DACT2: variants seen among roughly 807,000 people sequenced by gnomAD.
The protein encoded by DACT2 is dapper homolog 2.
A neutral mutation model predicts 22.2 loss-of-function variants in DACT2; 20 were observed. The ratio of observed to expected loss-of-function variants is 0.90; its 90% CI spans 0.63 to 1.31. The LOEUF is 1.31. DACT2 is among the 50% of genes most tolerant of loss of function. The pLI is 0.00. For synonymous variants in DACT2, 463 were observed against 479.8 expected (o/e 0.96, Z 0.46); for missense variants, 1,048 against 1,061.4 (o/e 0.99, Z 0.18).
chr6:168,295,694 T>C (rs1778996057), intron 3 of DACT2, among the ~76,000 whole-genome samples: 1 of 152,208 alleles, frequency 6.6e-6, no homozygotes, highest in Non-Finnish European at 1.5e-5. Context: ...TGCAATTCCA[T>C]TGAAACCCAA....
chr6:168,308,224 T>A lies in DACT2; in HGVS notation c.1533A>T (p.Ala511=). 6.4e-7 allele frequency: 1 copy of A among 1,551,900 alleles called. No homozygotes were observed. The highest frequency in any genetic ancestry group is 8.7e-7 in the Non-Finnish European group (1 of 1,147,044). ...TGTCCAGTAGAAGCAGCGGCTGCCTTGCAAACCTCAGCACCTTGTCCATGG... is the reference window on the plus strand; with the variant it reads ...TGTCCAGTAGAAGCAGCGGCTGCCTAGCAAACCTCAGCACCTTGTCCATGG... The part of the protein sequence containing the change: ...RSPMDKVLRF[A]RQPLLLLDRP... The change falls in exon 4 of 4, where the codon GCA becomes GCT. Residue 511 remains alanine (A), a synonymous_variant. Transcript: ENST00000366795.
chr6:168,300,691 CA>C (rs939941847), intron 3 of DACT2: 4 of 152,246 alleles, frequency 2.6e-5, no homozygotes, highest in Admixed American at 2.0e-4. Flanking sequence ...ATTCTGATTT[CA>C]GTAAGAACTC....
rs973979944 is a variant in DACT2 at position 168,307,795 on chromosome 6, G to A, written c.1962C>T (p.Asp654=). 1.1e-5 allele frequency: 17 copies of A among 1,542,884 alleles called. No homozygotes were observed. The highest frequency in any genetic ancestry group is 8.2e-5 in the African/African-American group (6 of 72,974). Reference sequence around the variant, plus strand: ...GCTCTGAGTCGCTCCTGGTGTAGGCGTCCTGGCGGACCAGTGAGGGACGGC... The same window carrying A: ...GCTCTGAGTCGCTCCTGGTGTAGGCATCCTGGCGGACCAGTGAGGGACGGC... ...ARGRPSLVRQ[D]AYTRSDSEPS... The change falls in exon 4 of 4, where the codon GAC becomes GAT. Residue 654 remains aspartate (D), a synonymous_variant. Coordinates refer to ENST00000366795, the MANE Select transcript of DACT2 (RefSeq NM_214462.5). The surrounding 1 kb of genome is among the most constrained non-coding windows in gnomAD (Gnocchi z 5.3).
chr6:168,299,361 C>T (rs1278745582), intron 3 of DACT2: 2 of 152,178 alleles, frequency 1.3e-5, no homozygotes, highest in African/African-American at 4.8e-5. Context: ...GATGAACATA[C>T]GTGAGTTCTG....
intron 1 of DACT2, among the ~76,000 whole-genome samples, chr6:168,316,057 C>T (rs1162772593): frequency 2.6e-5 from 4 of 152,204 alleles, no homozygotes; most frequent in Admixed American, 6.5e-5. Flanking sequence ...ACAAAGTCTG[C>T]GTGTTCCTTC....
At chr6:168,311,100 G>A in intron 2 of DACT2, 52 bp downstream of exon 2, 1 of 1,479,204 alleles carries the variant, frequency 6.8e-7, no homozygotes, top group Non-Finnish European at 9.0e-7. Flanking sequence ...CTTCACCTCT[G>A]CCTGTGCTGC....
chr6:168,319,610 C>G lies in DACT2; in HGVS notation c.24G>C (p.Pro8=). 7.6e-7 allele frequency: 1 copy of G among 1,316,138 alleles called. No individual in the cohort carries two copies. The highest frequency in any genetic ancestry group is 9.7e-7 in the Non-Finnish European group (1 of 1,030,816). 81.5% of individuals were successfully genotyped at this position (1,316,138 alleles called of 1,614,324 possible). A position where few individuals can be genotyped will look rare whatever the true frequency, so the allele number is the denominator to read the frequency against. The part of the protein sequence containing the change: MWTPGGP[P]GSAGWDRRRL... ...TACGGCGGTCCCAGCCCGCGGACCC[C>G]GGGGGTCCGCCCGGCGTCCACATCT... The change falls in exon 1 of 4, where the codon CCG becomes CCC. Residue 8 remains proline, a synonymous_variant. Transcript: ENST00000366795.
downstream of DACT2, among the ~76,000 whole-genome samples, chr6:168,305,699 C>T (rs184808928): frequency 3.3e-5 from 5 of 152,284 alleles, no homozygotes; most frequent in Admixed American, 3.3e-4. Flanking sequence ...CACAGCCTCA[C>T]CTGCTAAGTG....
intron 3 of DACT2, 85 bp downstream of exon 3, chr6:168,310,083 G>C: frequency 6.6e-7 from 1 of 1,507,538 alleles, no homozygotes; most frequent in Non-Finnish European, 8.9e-7. Flanking sequence ...TAGGGTCCCC[G>C]GCTCTGCCCT....
intron 5 of DACT2, chr6:168,293,979 G>T (rs532847956): frequency 2.8e-6 from 2 of 703,308 alleles, no homozygotes; most frequent in Admixed American, 4.0e-5. Context: ...GAGATTACTT[G>T]TGAGTAGAGG....
intron 3 of DACT2, chr6:168,300,417 T>C (rs4708712): frequency 0.6 from 90,474 of 152,024 alleles, 27,257 homozygotes; most frequent in Non-Finnish European, 0.65. Flanking sequence ...TCACCCAGGA[T>C]GGAAGATGCA....
chr6:168,318,126 TGCTGA>T (rs1337058434), intron 1 of DACT2, among the ~76,000 whole-genome samples: 2 of 151,810 alleles, frequency 1.3e-5, no homozygotes, highest in Non-Finnish European at 2.9e-5. Flanking sequence ...GGCTGTCGTG[TGCTGA>T]GCTGAGGTCA....
chr6:168,296,667 G>T (rs1234494641), intron 3 of DACT2, among the ~76,000 whole-genome samples: 1 of 152,244 alleles, frequency 6.6e-6, no homozygotes, highest in Non-Finnish European at 1.5e-5. Flanking sequence ...AGTATCACGG[G>T]CACCTCCAGG....
chr6:168,307,362 A>G lies in DACT2; in HGVS notation c.*70T>C. On this transcript the variant is annotated 3_prime_UTR_variant, in exon 4 of 4. Transcript: ENST00000366795. This position sits in a 1 kb window ranked among gnomAD's most constrained non-coding sequence, Gnocchi z 5.3. ...TTGGCAAGACGACACTGAAACCCAG[A>G]CATGCACAGGACACTGCATGGAAAG... 1 of 1,522,274 alleles carries G rather than the reference A, an allele frequency of 6.6e-7. No homozygotes were observed. The highest frequency in any genetic ancestry group is 8.8e-7 in the Non-Finnish European group (1 of 1,136,192). 94.3% of individuals were successfully genotyped at this position (1,522,274 alleles called of 1,614,324 possible). A position where few individuals can be genotyped will look rare whatever the true frequency, so the allele number is the denominator to read the frequency against.
intron 3 of DACT2, chr6:168,299,191 C>G (rs1319704979): frequency 1.3e-5 from 2 of 152,150 alleles, no homozygotes; most frequent in Non-Finnish European, 2.9e-5. Context: ...AATAGGGTAT[C>G]ATATTATCTC....
chr6:168,312,566 C>T (rs541728064), intron 1 of DACT2, among the ~76,000 whole-genome samples: 4 of 152,190 alleles, frequency 2.6e-5, no homozygotes, highest in Non-Finnish European at 5.9e-5. Context: ...CAGCTTCCCC[C>T]ACTCTAAAGG....
chr6:168,313,599 C>T (rs1004661333), intron 1 of DACT2, among the ~76,000 whole-genome samples: 3 of 152,152 alleles, frequency 2.0e-5, no homozygotes, highest in Non-Finnish European at 2.9e-5. Flanking sequence ...CTGGGTGGAT[C>T]CTTACAGCAC....
In DACT2 at chr6:168,312,330, G is replaced by A. The variant is rs569274429; in HGVS notation, c.247-1046C>T. Reference sequence around the variant, plus strand: ...TCCCACCTCAGCCGCCCAAGTATCCGGGACTGCAGGCATGCACCATCACGC... The same window carrying A: ...TCCCACCTCAGCCGCCCAAGTATCCAGGACTGCAGGCATGCACCATCACGC... On this transcript the variant is annotated intron_variant, in intron 1 of 3. Transcript: ENST00000366795. Among the ~76,000 whole-genome samples, 15 of 152,230 alleles carry A rather than the reference G, an allele frequency of 9.9e-5. No homozygotes were observed. The East Asian group carries it at 1.2e-3, about 12-fold the overall frequency.
At chr6:168,311,583 TCCAC>T (rs1562498524) in intron 1 of DACT2, among the ~76,000 whole-genome samples, 3 of 39,528 alleles carry the variant, frequency 7.6e-5, no homozygotes, top group African/African-American at 3.5e-4. Flanking sequence ...CACACACCCA[TCCAC>T]ACACACACAT....
Sources: allele counts gnomAD v4.1 joint callset (sites outside exome capture counted in the v4.1 genomes callset), GRCh38; gene constraint gnomAD v4.1.1; non-coding constraint Gnocchi (gnomAD v3.1); transcripts MANE v1.5; gene names NCBI Gene and HGNC (gene_info 2026-07-23, HGNC 2026-07-21).